CPA6: variants seen among roughly 807,000 people sequenced by gnomAD.
CPA6 encodes the protein carboxypeptidase B.
A neutral mutation model predicts 63.3 loss-of-function variants in CPA6; 58 were observed. The ratio of observed to expected loss-of-function variants is 0.92; its 90% confidence interval spans 0.74 to 1.14. The LOEUF (loss-of-function observed/expected upper bound fraction) is 1.14. Among genes scored for constraint, CPA6 ranks in the 50% most tolerant of loss-of-function variants. CPA6 has a pLI of 0.00. For synonymous variants in CPA6, 185 were observed against 179.0 expected (o/e 1.03, Z -0.27); for missense variants, 565 against 526.6 (o/e 1.07, Z -0.71).
chr8:67,662,574 T>TAC (rs1433543365), intron 1 of CPA6, among the ~76,000 whole-genome samples: 3 of 123,766 alleles, frequency 2.4e-5, no homozygotes, highest in African/African-American at 1.1e-4. Context: ...ATAGAATACA[T>TAC]ACACATGTAT....
intron 1 of CPA6, among the ~76,000 whole-genome samples, chr8:67,742,770 C>G (rs367804278): frequency 2.0e-5 from 3 of 152,118 alleles, no homozygotes; most frequent in Non-Finnish European, 4.4e-5. Context: ...TGTGGGAGAG[C>G]AAAAACTGAG....
intron 2 of CPA6, among the ~76,000 whole-genome samples, chr8:67,593,251 A>T (rs1814187346): frequency 6.6e-6 from 1 of 150,692 alleles, no homozygotes; most frequent in African/African-American, 2.4e-5. Flanking sequence ...TCTGAGAGAC[A>T]GTTTGTTATA....
At chr8:67,565,873 G>A (rs568424381) in intron 2 of CPA6, among the ~76,000 whole-genome samples, 17 of 152,240 alleles carry the variant, frequency 1.1e-4, no homozygotes, top group South Asian at 6.2e-4. Context: ...CAGACTCCTC[G>A]TATGCCACTT....
At chr8:67,683,742 A>G (rs2038138020) in intron 1 of CPA6, among the ~76,000 whole-genome samples, 2 of 152,068 alleles carry the variant, frequency 1.3e-5, no homozygotes, top group African/African-American at 4.8e-5. Flanking sequence ...AGATCCTATA[A>G]CACTGTAGTT....
intron 1 of CPA6, among the ~76,000 whole-genome samples, chr8:67,633,361 G>C (rs991914672): frequency 1.3e-5 from 2 of 151,942 alleles, no homozygotes; most frequent in Admixed American, 1.3e-4. Flanking sequence ...GGTTCTTATT[G>C]CCCTTTTCTT....
At chr8:67,474,390 T>G (rs1449022929) in intron 8 of CPA6, among the ~76,000 whole-genome samples, 1 of 151,882 alleles carries the variant, frequency 6.6e-6, no homozygotes, top group East Asian at 2.0e-4. Flanking sequence ...CCCGGCTAAT[T>G]TTTTGTATTT....
chr8:67,515,406 C>G (rs79235906), intron 3 of CPA6, among the ~76,000 whole-genome samples: 5 of 152,130 alleles, frequency 3.3e-5, no homozygotes, highest in Non-Finnish European at 7.4e-5. Context: ...CTTCAGGGAA[C>G]TCTCTTTTCT....
At chr8:67,653,968 TC>T (rs1815916089) in intron 1 of CPA6, among the ~76,000 whole-genome samples, 1 of 151,742 alleles carries the variant, frequency 6.6e-6, no homozygotes, top group Admixed American at 6.6e-5. Context: ...TTGAATTTTG[TC>T]AAAGGCCTTT....
chr8:67,644,340 G>A (rs1815666330), intron 1 of CPA6, among the ~76,000 whole-genome samples: 1 of 152,090 alleles, frequency 6.6e-6, no homozygotes, highest in Non-Finnish European at 1.5e-5. Flanking sequence ...GGATGGTCTC[G>A]ATCTCCTGAC....
At chr8:67,571,962 AG>A (rs1438004104) in intron 2 of CPA6, among the ~76,000 whole-genome samples, 5 of 152,166 alleles carry the variant, frequency 3.3e-5, no homozygotes, top group African/African-American at 1.2e-4. Flanking sequence ...AAAAGAAAAA[AG>A]ACTAAGATAA....
At chr8:67,613,976 A>G (rs1049376191) in intron 2 of CPA6, among the ~76,000 whole-genome samples, 9 of 152,058 alleles carry the variant, frequency 5.9e-5, no homozygotes, top group African/African-American at 2.2e-4. Flanking sequence ...CCAGCTCCCT[A>G]TCCATCCCAG....
At chr8:67,673,419 T>G (rs917716831) in intron 1 of CPA6, among the ~76,000 whole-genome samples, 1 of 149,382 alleles carries the variant, frequency 6.7e-6, no homozygotes, top group African/African-American at 2.5e-5. Context: ...AATCTCGCTC[T>G]GTCACCCAGG....
chr8:67,573,385 C>T lies in CPA6; in HGVS notation c.192+50791G>A, dbSNP rs573404396. Among the ~76,000 whole-genome samples the T allele has an allele frequency of 2.0e-5, 3 of 152,224 alleles. No individual in the cohort carries two copies. The South Asian group carries it at 6.2e-4, about 32-fold the overall frequency. ...TACATAGAAAATCCTATAGATTCCA[C>T]CAAAAATCTGTTAGAACTGATATAC... On this transcript the variant is annotated intron_variant, in intron 2 of 10. Transcript: ENST00000297770.
chr8:67,559,673 T>C (rs1356581050), intron 2 of CPA6, among the ~76,000 whole-genome samples: 1 of 152,136 alleles, frequency 6.6e-6, no homozygotes, highest in Non-Finnish European at 1.5e-5. Context: ...TATTCTATTC[T>C]GTTTGTCCTT....
At chr8:67,634,607 G>A (rs932861418) in intron 1 of CPA6, among the ~76,000 whole-genome samples, 3 of 151,502 alleles carry the variant, frequency 2.0e-5, no homozygotes, top group African/African-American at 7.3e-5. Context: ...GTGTGCCCTT[G>A]GCCAAAATGC....
chr8:67,605,216 G>C (rs1284797501), intron 2 of CPA6, among the ~76,000 whole-genome samples: 6 of 151,884 alleles, frequency 4.0e-5, no homozygotes, highest in African/African-American at 1.5e-4. Context: ...GCCCAACATA[G>C]AGTATTCCAT....
chr8:67,581,080 A>G lies in CPA6; in HGVS notation c.192+43096T>C, dbSNP rs867911888. 3.9e-5 allele frequency among the ~76,000 whole-genome samples: 6 copies of G among 152,110 alleles called. 1 individual carries two copies. The South Asian group carries it at 6.2e-4, about 16-fold the overall frequency. On this transcript the variant is annotated intron_variant, in intron 2 of 10. Transcript: ENST00000297770. ...TAGGGGATATCCATGTTGACGAGGG[A>G]TGTCTTGACTGAAATGTGCTATGTC...
chr8:67,542,827 G>C (rs1479421689), intron 2 of CPA6, among the ~76,000 whole-genome samples: 2 of 152,180 alleles, frequency 1.3e-5, no homozygotes, highest in Non-Finnish European at 2.9e-5. Context: ...GGCCACTGCT[G>C]TGCCTTGGAA....
rs1172040978 is a variant in CPA6, at chr8:67,713,097, G to GTATATATA, written c.116+32916_116+32917insTATATATA. ...TCTGTGTGTGTATGTGTGTGTGTGTGTGTATATATATATATATATATATAT... is the reference window on the plus strand; with the variant it reads ...TCTGTGTGTGTATGTGTGTGTGTGTGTATATATATGTATATATATATATATATATATAT... On this transcript the variant is annotated intron_variant, in intron 1 of 10. Transcript: ENST00000297770. Among the ~76,000 whole-genome samples, 78 of 60,230 alleles carry GTATATATA rather than the reference G, an allele frequency of 1.3e-3. 1 individual carries two copies. Among genetic ancestry groups the GTATATATA allele is most frequent in the South Asian group, 5.8e-3 (9 of 1,560 alleles). The allele number at this position is 60,230 out of a possible 152,430, so 39.5% of individuals were successfully genotyped here.
Sources: gnomAD v4.1 joint callset for allele counts (sites outside exome capture counted in the v4.1 genomes callset) on GRCh38, gnomAD v4.1.1 for gene constraint, MANE v1.5 for transcripts, NCBI Gene and HGNC (gene_info 2026-07-23, HGNC 2026-07-21) for gene names.